The following RUNX2 variants were observed in gnomAD, a reference collection of about 807,000 sequenced individuals.
RUNX2 encodes the protein RUNX family transcription factor 2.
A neutral mutation model predicts 51.7 loss-of-function variants in RUNX2; 10 were observed. The ratio of observed to expected loss-of-function variants is 0.19; its 90% CI spans 0.12 to 0.33. The LOEUF (loss-of-function observed/expected upper bound fraction) is 0.33, where lower values mean the gene tolerates loss of function less well. Ranked by LOEUF, RUNX2 falls within the 10% of genes least tolerant of loss-of-function variation. The probability of loss-of-function intolerance (pLI) is 1.00; values close to 1 mark genes in which losing one functional copy is unlikely to be tolerated. For synonymous variants in RUNX2, 276 were observed against 273.6 expected, an observed-to-expected ratio of 1.01 and a Z score of -0.09; for missense variants, 562 against 691.3, an observed-to-expected ratio of 0.81 and a Z score of 2.10.
At chr6:45,461,409 C>T (rs928007370) in intron 5 of RUNX2, among the ~76,000 whole-genome samples, 5 of 151,996 alleles carry the variant, frequency 3.3e-5, no homozygotes, top group African/African-American at 4.8e-5. Flanking sequence ...ATACGGAAGA[C>T]GTAGAAGGGA....
Position 45,422,765 on chromosome 6 carries a change from T to C in RUNX2, c.231T>C (p.Ala77=). The C allele has an allele frequency of 1.5e-6, 2 of 1,334,620 alleles. No homozygotes were observed. The highest frequency in any genetic ancestry group is 2.0e-6 in the Non-Finnish European group (2 of 997,724). The allele number at this position is 1,334,620 out of a possible 1,614,324, so 82.7% of individuals were successfully genotyped here. The change falls in exon 3 of 9, where the codon GCT becomes GCC. Residue 77 remains alanine (A), a synonymous_variant. Transcript: ENST00000647337. ...AGCAGCAGGAGGCGGCGGCGGCGGC[T>C]GCGGCGGCGGCGGCGGCTGCGGCGG... The part of the protein sequence containing the change: ...QQQQQEAAAA[A]AAAAAAAAAA...
chr6:45,533,814 C>G (rs1245569301), intron 7 of RUNX2, among the ~76,000 whole-genome samples: 1 of 151,294 alleles, frequency 6.6e-6, no homozygotes, highest in African/African-American at 2.4e-5. Context: ...TACCAGTCAT[C>G]ACTTTAAAAA....
At chr6:45,346,233 A>G (rs1790828357) in intron 2 of RUNX2, among the ~76,000 whole-genome samples, 1 of 152,206 alleles carries the variant, frequency 6.6e-6, no homozygotes, top group Non-Finnish European at 1.5e-5. Flanking sequence ...GTAAATATAT[A>G]TAATTCTACT....
At chr6:45,406,391 A>G (rs145328254) in intron 2 of RUNX2, among the ~76,000 whole-genome samples, 1,900 of 151,940 alleles carry the variant, frequency 0.013, 19 homozygotes, top group Non-Finnish European at 0.019. Context: ...GAAGAATAAG[A>G]CTCTTAGCAT....
chr6:45,370,390 A>G (rs892949117), intron 2 of RUNX2, among the ~76,000 whole-genome samples: 5 of 148,732 alleles, frequency 3.4e-5, no homozygotes, highest in Admixed American at 6.7e-5. Context: ...ACTGGGAAGG[A>G]AAAAAAAAAC....
At chr6:45,442,055 A>C (rs545084493) in intron 5 of RUNX2, among the ~76,000 whole-genome samples, 1 of 152,342 alleles carries the variant, frequency 6.6e-6, no homozygotes, top group African/African-American at 2.4e-5. Context: ...AAGATTAAAA[A>C]GTACCCTATG....
chr6:45,405,010 T>G (rs1797802336), intron 2 of RUNX2, among the ~76,000 whole-genome samples: 1 of 152,266 alleles, frequency 6.6e-6, no homozygotes, highest in African/African-American at 2.4e-5. Flanking sequence ...CTTCACAGTC[T>G]GCTTTGATGA....
chr6:45,397,992 A>G (rs1797618660), intron 2 of RUNX2, among the ~76,000 whole-genome samples: 2 of 152,194 alleles, frequency 1.3e-5, no homozygotes, highest in African/African-American at 4.8e-5. Flanking sequence ...TGTTCAGTGG[A>G]TGATTTACAC....
intron 6 of RUNX2, among the ~76,000 whole-genome samples, chr6:45,507,103 A>G (rs975265546): frequency 1.4e-4 from 22 of 151,910 alleles, no homozygotes; most frequent in African/African-American, 5.3e-4. Flanking sequence ...CCTTAAGGCC[A>G]TGATTAAAAG....
chr6:45,528,782 C>T lies in RUNX2; in HGVS notation c.1021+16375C>T, dbSNP rs545231770. On this transcript the variant is annotated intron_variant, in intron 7 of 8. Transcript: ENST00000647337. ...GGGGCTATCAGTTCCTTCAGGCTGGCGAGCTAATATCCAGCAGTCAAGAAA... is the reference window on the plus strand; with the variant it reads ...GGGGCTATCAGTTCCTTCAGGCTGGTGAGCTAATATCCAGCAGTCAAGAAA... 2.0e-4 allele frequency among the ~76,000 whole-genome samples: 31 copies of T among 152,312 alleles called. No homozygotes were observed. The Middle Eastern group carries it at 0.01, about 50-fold the overall frequency.
chr6:45,336,146 T>C (rs920069054), intron 2 of RUNX2, among the ~76,000 whole-genome samples: 6 of 151,290 alleles, frequency 4.0e-5, no homozygotes, highest in African/African-American at 1.5e-4. Flanking sequence ...ACCAAACACA[T>C]ATACATTATT....
chr6:45,383,048 G>A (rs887775738), intron 2 of RUNX2, among the ~76,000 whole-genome samples: 1 of 152,092 alleles, frequency 6.6e-6, no homozygotes, highest in African/African-American at 2.4e-5. Context: ...GAGTATGCTG[G>A]GCAGGTGCAA....
chr6:45,497,968 C>G (rs1049878401), intron 6 of RUNX2, among the ~76,000 whole-genome samples: 2 of 152,116 alleles, frequency 1.3e-5, no homozygotes, highest in Non-Finnish European at 2.9e-5. Context: ...AGGCATTGTT[C>G]TAATTAGTTT....
chr6:45,386,547 C>T (rs1465245240), intron 2 of RUNX2, among the ~76,000 whole-genome samples: 1 of 152,152 alleles, frequency 6.6e-6, no homozygotes, highest in Non-Finnish European at 1.5e-5. Flanking sequence ...CTTCTCTGAA[C>T]CTCAGTTGTC....
intron 2 of RUNX2, among the ~76,000 whole-genome samples, chr6:45,401,090 A>G (rs1442140902): frequency 2.0e-5 from 3 of 152,248 alleles, no homozygotes; most frequent in Non-Finnish European, 4.4e-5. Context: ...ACAAACAACA[A>G]AACAAAAAAA....
At chr6:45,414,963 T>C (rs1384497467) in intron 2 of RUNX2, among the ~76,000 whole-genome samples, 1 of 152,100 alleles carries the variant, frequency 6.6e-6, no homozygotes, top group Non-Finnish European at 1.5e-5. Flanking sequence ...ATACTCTCTG[T>C]CTACATCTTC....
chr6:45,545,303 T>TGGGCTGGGCA (rs1802364979), intron 8 of RUNX2, 21 bp downstream of exon 8: 14 of 1,456,038 alleles, frequency 9.6e-6, no homozygotes, highest in Non-Finnish European at 1.3e-5. Flanking sequence ...TAACAATTGC[T>TGGGCTGGGCA]GGGCTGGGCA....
At chr6:45,507,114 T>G (rs1378140814) in intron 6 of RUNX2, among the ~76,000 whole-genome samples, 1 of 151,980 alleles carries the variant, frequency 6.6e-6, no homozygotes, top group African/African-American at 2.4e-5. Context: ...TGATTAAAAG[T>G]CAAGGATATT....
chr6:45,454,682 G>C (rs1490074293), intron 5 of RUNX2, among the ~76,000 whole-genome samples: 1 of 152,200 alleles, frequency 6.6e-6, no homozygotes, highest in East Asian at 1.9e-4. Context: ...ATTTATCTAT[G>C]TATGTGTGTG....
Sources: allele counts gnomAD v4.1 joint callset (sites outside exome capture counted in the v4.1 genomes callset), GRCh38; gene constraint gnomAD v4.1.1; transcripts MANE v1.5; gene names NCBI Gene and HGNC (gene_info 2026-07-23, HGNC 2026-07-21).